TRIM44: variants seen among roughly 807,000 people sequenced by gnomAD.
TRIM44 encodes tripartite motif-containing protein 44.
In TRIM44, 13 loss-of-function variants were observed where a neutral mutation model predicts 37.4. The observed-to-expected ratio is 0.35, with a 90% CI of 0.23 to 0.55. TRIM44 has a LOEUF of 0.55. TRIM44 is among the 20% of genes least tolerant of loss of function. The probability of loss-of-function intolerance (pLI) is 0.89; values close to 1 mark genes in which losing one functional copy is unlikely to be tolerated. For synonymous variants in TRIM44, 175 were observed against 157.2 expected, an observed-to-expected ratio of 1.11 and a Z score of -0.85; for missense variants, 426 against 437.2, an observed-to-expected ratio of 0.97 and a Z score of 0.23.
Position 35,663,306 on chromosome 11 carries a change from GGC to G in TRIM44, c.196_197del (p.Ala66LeufsTer6). 1 of 1,614,102 alleles carries G rather than the reference GGC, an allele frequency of 6.2e-7. No individual in the cohort carries two copies. ...TGGCCGAATACGTCCACGGCTCCCA[GGC>G]CTGGACCCCGCCAGCTGACGGAGAG... ...HLAEYVHGSQ[A>X]WTPPADGEGA... is the part of the protein sequence containing the mutation. On this transcript the variant is annotated frameshift_variant, in exon 1 of 5. Transcript: ENST00000299413. LOFTEE classifies it high-confidence loss of function.
At chr11:35,708,996 A>C (rs1851930215) in intron 2 of TRIM44, among the ~76,000 whole-genome samples, 1 of 150,274 alleles carries the variant, frequency 6.7e-6, no homozygotes, top group African/African-American at 2.4e-5. Flanking sequence ...CCCCCCCAAA[A>C]AAAAAGAACT....
At chr11:35,770,093 T>C (rs1157788557) in intron 4 of TRIM44, among the ~76,000 whole-genome samples, 2 of 152,156 alleles carry the variant, frequency 1.3e-5, no homozygotes, top group African/African-American at 4.8e-5. Context: ...GTGTCTATTA[T>C]TGCCATCTTT....
At chr11:35,673,249 T>A (rs532553753) in intron 1 of TRIM44, among the ~76,000 whole-genome samples, 1 of 152,354 alleles carries the variant, frequency 6.6e-6, no homozygotes, top group African/African-American at 2.4e-5. Context: ...AAGGCATCTC[T>A]GAGCATATGA....
chr11:35,685,389 C>G, intron 2 of TRIM44, 53 bp downstream of exon 2: 3 of 1,479,912 alleles, frequency 2.0e-6, no homozygotes, highest in Non-Finnish European at 2.8e-6. Flanking sequence ...ATTTCATTCT[C>G]CTTGAGCTAA....
intron 2 of TRIM44, among the ~76,000 whole-genome samples, chr11:35,716,148 T>G (rs1392277169): frequency 6.6e-6 from 1 of 151,456 alleles, no homozygotes; most frequent in African/African-American, 2.4e-5. Flanking sequence ...GCAGAGGGAG[T>G]GAAGAGCACA....
At chr11:35,710,028 C>T (rs537815256) in intron 2 of TRIM44, among the ~76,000 whole-genome samples, 1 of 152,276 alleles carries the variant, frequency 6.6e-6, no homozygotes, top group South Asian at 2.1e-4. Context: ...CATTACAGTT[C>T]AGCAGTTGCC....
Position 35,742,506 on chromosome 11 carries a change from A to AATATAATTATATTAATTGTATTAT in TRIM44, c.1007+7079_1007+7102dup, listed in dbSNP as rs1564991578. ...AATTGTATTATATATAATTATATTA[A>AATATAATTATATTAATTGTATTAT]ATATAATTATATTAATTGTATTATA... On this transcript the variant is annotated intron_variant, in intron 4 of 4. Transcript: ENST00000299413. 3.8e-4 allele frequency among the ~76,000 whole-genome samples: 50 copies of AATATAATTATATTAATTGTATTAT among 130,328 alleles called. 1 individual carries two copies. The highest frequency in any genetic ancestry group is 1.4e-3 in the African/African-American group (46 of 33,496). 85.5% of individuals were successfully genotyped at this position (130,328 alleles called of 152,430 possible).
At chr11:35,716,594 C>T (rs1731654029) in intron 2 of TRIM44, among the ~76,000 whole-genome samples, 1 of 152,054 alleles carries the variant, frequency 6.6e-6, no homozygotes, top group African/African-American at 2.4e-5. Context: ...CTGTTTTTTG[C>T]AGGGCCCTTA....
At chr11:35,777,596 G>T (rs531665243) in intron 4 of TRIM44, among the ~76,000 whole-genome samples, 2 of 152,284 alleles carry the variant, frequency 1.3e-5, no homozygotes, top group South Asian at 4.1e-4. Flanking sequence ...GGTACCATAG[G>T]TTGTTCCTTT....
rs1282572001 is a variant in TRIM44, at chr11:35,726,175, G to A, written c.987+12G>A. The A allele has an allele frequency of 4.3e-6, 7 of 1,610,842 alleles. No individual in the cohort carries two copies. Among genetic ancestry groups the A allele is most frequent in the African/African-American group, 1.3e-5 (1 of 74,906 alleles). On this transcript the variant is annotated intron_variant, in intron 3 of 4. Coordinates refer to ENST00000299413, the MANE Select transcript of TRIM44 (RefSeq NM_017583.6). ...AGCCAAAGGCAGAGGTAAAGGAAAA[G>A]CCCATAATTATTAGTAGCAAGAGAA...
At chr11:35,746,879 C>G (rs1275719829) in intron 4 of TRIM44, among the ~76,000 whole-genome samples, 1 of 152,164 alleles carries the variant, frequency 6.6e-6, no homozygotes, top group Non-Finnish European at 1.5e-5. Flanking sequence ...TCCTTCTTAG[C>G]ACCACTACCA....
At chr11:35,742,437 A>G (rs28587054) in intron 4 of TRIM44, among the ~76,000 whole-genome samples, 3,089 of 138,724 alleles carry the variant, frequency 0.022, 114 homozygotes, top group African/African-American at 0.064. Flanking sequence ...TATTAATATT[A>G]TATTAAATAT....
intron 1 of TRIM44, among the ~76,000 whole-genome samples, chr11:35,684,864 G>A (rs1851556063): frequency 6.6e-6 from 1 of 152,088 alleles, no homozygotes; most frequent in African/African-American, 2.4e-5. Flanking sequence ...ATTTTTATAA[G>A]TATATTTAAT....
intron 2 of TRIM44, among the ~76,000 whole-genome samples, chr11:35,719,859 G>A (rs1852080138): frequency 1.3e-5 from 2 of 152,082 alleles, no homozygotes; most frequent in Admixed American, 1.3e-4. Context: ...GTTGACATAT[G>A]TACCTGGGTC....
chr11:35,758,617 TG>T (rs1378052045), intron 4 of TRIM44, among the ~76,000 whole-genome samples: 1 of 152,252 alleles, frequency 6.6e-6, no homozygotes, highest in African/African-American at 2.4e-5. Context: ...CGATTTGGCA[TG>T]TTTTTGCAGT....
At chr11:35,740,096 TAAAAAAAAAAAAAA>T (rs1258985035) in intron 4 of TRIM44, among the ~76,000 whole-genome samples, 1 of 64,558 alleles carries the variant, frequency 1.5e-5, no homozygotes, top group South Asian at 5.7e-4. Flanking sequence ...AGACTCTGTC[TAAAAAAAAAAAAAA>T]AAAAAAAAAG....
At chr11:35,745,218 G>A (rs1325815448) in intron 4 of TRIM44, among the ~76,000 whole-genome samples, 2 of 152,138 alleles carry the variant, frequency 1.3e-5, no homozygotes, top group East Asian at 3.8e-4. Context: ...GCCAGAATCT[G>A]TTATTCTGAC....
intron 2 of TRIM44, among the ~76,000 whole-genome samples, chr11:35,690,716 C>T (rs181377783): frequency 5.5e-4 from 83 of 152,236 alleles, no homozygotes; most frequent in Non-Finnish European, 1.0e-3. Context: ...TTTATTTTAT[C>T]CCTGTATCTT....
In TRIM44 at chr11:35,808,888, G is replaced by A. The variant is rs1438613968; in HGVS notation, c.*2503G>A. On this transcript the variant is annotated 3_prime_UTR_variant, in exon 5 of 5. Coordinates refer to ENST00000299413, the MANE Select transcript of TRIM44 (RefSeq NM_017583.6). ...TTGGCCTTAAGCCCCAGCATGATGA[G>A]GCTTCCCTCCTGCCAGGTCAGTAAA... 6.6e-6 allele frequency: 1 copy of A among 152,242 alleles called. No homozygotes were observed. The highest frequency in any genetic ancestry group is 1.5e-5 in the Non-Finnish European group (1 of 68,068). 9.4% of individuals were successfully genotyped at this position (152,242 alleles called of 1,614,324 possible).
Sources: allele counts gnomAD v4.1 joint callset (sites outside exome capture counted in the v4.1 genomes callset), GRCh38; gene constraint gnomAD v4.1.1; transcripts MANE v1.5; gene names NCBI Gene and HGNC (gene_info 2026-07-23, HGNC 2026-07-21).